The following AKAP13 variants were observed in gnomAD, a reference collection of about 807,000 sequenced individuals.
AKAP13 encodes A-kinase anchoring protein 13, also known as A-kinase anchor protein 13.
A neutral mutation model predicts 264.5 loss-of-function variants in AKAP13; 80 were observed. The ratio of observed to expected loss-of-function variants is 0.30; its 90% confidence interval spans 0.25 to 0.36. The LOEUF is 0.36. Ranked by LOEUF, AKAP13 falls within the 10% of genes least tolerant of loss-of-function variation. The pLI is 1.00. For synonymous variants in AKAP13, 1,380 were observed against 1,250.2 expected, an observed-to-expected ratio of 1.10 and a Z score of -2.19; for missense variants, 3,712 against 3,435.2, an observed-to-expected ratio of 1.08 and a Z score of -2.01.
At chr15:85,736,911 T>TG (rs1409298897) in intron 33 of AKAP13, among the ~76,000 whole-genome samples, 69 of 103,258 alleles carry the variant, frequency 6.7e-4, no homozygotes, top group African/African-American at 2.6e-3. Flanking sequence ...TATATCATCA[T>TG]CTTTTTTTTT....
At chr15:85,506,769 A>G (rs1348769193) in intron 2 of AKAP13, among the ~76,000 whole-genome samples, 1 of 152,164 alleles carries the variant, frequency 6.6e-6, no homozygotes, top group African/African-American at 2.4e-5. Context: ...CCAACCATGT[A>G]CAGAAAGCAC....
At position 85,727,055 on chromosome 15, in the gene AKAP13, C is replaced by A. The variant is rs745955916; in HGVS notation, c.6823-11C>A. On this transcript the variant is annotated splice_polypyrimidine_tract_variant and intron_variant, in intron 27 of 36. Transcript: ENST00000394518. The surrounding 1 kb of genome is among the most constrained non-coding windows in gnomAD (Gnocchi z 5.3). ...TATGTATCTTTTATTTGCCCTCTTC[C>A]CTTTTTCCAGGACCAGAAGTCAACA... 6.2e-6 allele frequency: 10 copies of A among 1,613,966 alleles called. No individual in the cohort carries two copies. The highest frequency in any genetic ancestry group is 8.5e-6 in the Non-Finnish European group (10 of 1,179,882).
chr15:85,638,334 GTTTGT>G (rs982957160), intron 8 of AKAP13, among the ~76,000 whole-genome samples: 1 of 151,988 alleles, frequency 6.6e-6, no homozygotes, highest in East Asian at 1.9e-4. Context: ...TACAGTATAT[GTTTGT>G]TTTATTTGAG....
intron 13 of AKAP13, among the ~76,000 whole-genome samples, chr15:85,666,171 A>G (rs932595059): frequency 6.6e-5 from 10 of 152,098 alleles, no homozygotes; most frequent in African/African-American, 1.9e-4. Flanking sequence ...ATCTCTCCAT[A>G]TCCTCTCCAG....
At chr15:85,723,678 C>G (rs778682620) in intron 26 of AKAP13, among the ~76,000 whole-genome samples, 2 of 152,152 alleles carry the variant, frequency 1.3e-5, no homozygotes, top group African/African-American at 2.4e-5. Flanking sequence ...GGATCTGTGG[C>G]AAAACTCACA....
intron 1 of AKAP13, among the ~76,000 whole-genome samples, chr15:85,414,763 T>A (rs1330042719): frequency 6.6e-6 from 1 of 152,232 alleles, no homozygotes; most frequent in African/African-American, 2.4e-5. Flanking sequence ...AAATGACAAA[T>A]TGAGATGTCC....
At chr15:85,531,198 C>G (rs890194672) in intron 3 of AKAP13, among the ~76,000 whole-genome samples, 2 of 152,288 alleles carry the variant, frequency 1.3e-5, no homozygotes, top group East Asian at 3.9e-4. Context: ...GTGAAATCTT[C>G]CTGCTTTTGC....
chr15:85,643,501 C>T (rs1303352190), intron 9 of AKAP13, among the ~76,000 whole-genome samples: 1 of 152,190 alleles, frequency 6.6e-6, no homozygotes, highest in Non-Finnish European at 1.5e-5. Context: ...ACTTTCAACA[C>T]ACAGAGACAA....
chr15:85,538,072 C>T (rs768001139), intron 4 of AKAP13, among the ~76,000 whole-genome samples: 44 of 152,074 alleles, frequency 2.9e-4, no homozygotes, highest in Non-Finnish European at 5.6e-4. Context: ...TTTTCCAAGT[C>T]TCACTTAGTT....
intron 5 of AKAP13, among the ~76,000 whole-genome samples, chr15:85,549,787 T>C (rs1179760633): frequency 1.3e-5 from 2 of 152,198 alleles, no homozygotes; most frequent in African/African-American, 4.8e-5. Context: ...TGGTTTCTAG[T>C]CTATATGTTT....
At chr15:85,672,003 C>G (rs2083956875) in intron 14 of AKAP13, among the ~76,000 whole-genome samples, 1 of 152,128 alleles carries the variant, frequency 6.6e-6, no homozygotes, top group South Asian at 2.1e-4. Flanking sequence ...TTTTCAGTTG[C>G]TATCCAAACA....
chr15:85,605,110 A>C (rs2080262376), intron 8 of AKAP13, among the ~76,000 whole-genome samples: 1 of 108,574 alleles, frequency 9.2e-6, no homozygotes, highest in African/African-American at 3.5e-5. Context: ...TATTCCCGAC[A>C]GTCAGCGCTT....
Position 85,741,380 on chromosome 15 carries a change from A to G in AKAP13, c.7943A>G (p.Gln2648Arg). The change falls in exon 35 of 37, where the codon CAG becomes CGG. Residue 2648 changes from glutamine (Q) to arginine (R), a missense_variant. Around this residue, in one of 3 missense-constraint regions of AKAP13, gnomAD observed 611 missense variants for 539.3 expected, o/e 1.13. Coordinates refer to ENST00000394518, the MANE Select transcript of AKAP13 (RefSeq NM_007200.5). Reference sequence around the variant, plus strand: ...CTCCAGCAGAAGAAGGGCACATACCAGTATGACCTGGAGCGACTGCGTGCT... The same window carrying G: ...CTCCAGCAGAAGAAGGGCACATACCGGTATGACCTGGAGCGACTGCGTGCT... Reference protein sequence around the residue: ...EELQQKKGTYQYDLERLRAAQ... With the variant: ...EELQQKKGTYRYDLERLRAAQ... 1 of 1,614,144 alleles carries G rather than the reference A, an allele frequency of 6.2e-7. No homozygotes were observed. The highest frequency in any genetic ancestry group is 8.5e-7 in the Non-Finnish European group (1 of 1,180,020).
intron 4 of AKAP13, among the ~76,000 whole-genome samples, chr15:85,543,248 T>C (rs973290457): frequency 3.3e-5 from 5 of 152,140 alleles, no homozygotes; most frequent in Non-Finnish European, 7.4e-5. Flanking sequence ...AAAAGACCCA[T>C]GTGTACTGAA....
rs188764593 is a variant in AKAP13, at chr15:85,474,100, G to A, written c.-11-11610G>A. On this transcript the variant is annotated intron_variant, in intron 1 of 36. Coordinates refer to ENST00000394518, the MANE Select transcript of AKAP13 (RefSeq NM_007200.5). ...AGGTGACTTACATAGGATGAAAAAA[G>A]TGTTCCCAACTGTAAACATGGGTTT... Among the ~76,000 whole-genome samples the A allele has an allele frequency of 1.1e-3, 164 of 152,296 alleles. 1 individual carries two copies. The highest frequency in any genetic ancestry group is 3.9e-3 in the African/African-American group (160 of 41,554).
At chr15:85,715,541 T>G (rs985656144) in intron 19 of AKAP13, among the ~76,000 whole-genome samples, 1 of 151,914 alleles carries the variant, frequency 6.6e-6, no homozygotes, top group Non-Finnish European at 1.5e-5. Flanking sequence ...AACTTACAGT[T>G]CCAGGGCAAA....
intron 8 of AKAP13, among the ~76,000 whole-genome samples, chr15:85,607,582 C>G (rs2080409691): frequency 6.6e-6 from 1 of 152,068 alleles, no homozygotes; most frequent in Non-Finnish European, 1.5e-5. Context: ...CTTTTAACCA[C>G]GATGCTAGCT....
intron 9 of AKAP13, among the ~76,000 whole-genome samples, chr15:85,641,217 C>T (rs185486814): frequency 1.4e-4 from 22 of 151,850 alleles, no homozygotes; most frequent in African/African-American, 5.1e-4. Context: ...GAGGCCGAGG[C>T]GGGCAGATCA....
chr15:85,621,315 T>C (rs956415447), intron 8 of AKAP13: 1 of 152,212 alleles, frequency 6.6e-6, no homozygotes, highest in African/African-American at 2.4e-5. Flanking sequence ...TGTCAGGTGG[T>C]TGACTTGCTG....
Sources: gnomAD v4.1 joint callset for allele counts (sites outside exome capture counted in the v4.1 genomes callset) on GRCh38, gnomAD v4.1.1 for gene constraint, gnomAD v4.1.1 regional missense constraint, Gnocchi (gnomAD v3.1) non-coding constraint, MANE v1.5 for transcripts, NCBI Gene and HGNC (gene_info 2026-07-23, HGNC 2026-07-21) for gene names.